Variants in INPP4A observed in about 807,000 individuals in gnomAD.
INPP4A encodes inositol polyphosphate-4-phosphatase, type I, 107kD.
In INPP4A, 33 loss-of-function variants were observed where a neutral mutation model predicts 119.8. The ratio of observed to expected loss-of-function variants is 0.28; its 90% confidence interval spans 0.21 to 0.37. The LOEUF (loss-of-function observed/expected upper bound fraction) is 0.37. Among genes scored for constraint, INPP4A ranks in the 10% least tolerant of loss-of-function variants. The pLI, the probability that INPP4A is intolerant of heterozygous loss-of-function variation, is 1.00. For synonymous variants in INPP4A, 496 were observed against 500.7 expected, an observed-to-expected ratio of 0.99 and a Z score of 0.12; for missense variants, 956 against 1,289.9, an observed-to-expected ratio of 0.74 and a Z score of 3.97.
At chr2:98,483,701 C>T (rs886522369) in intron 1 of INPP4A, among the ~76,000 whole-genome samples, 4 of 152,178 alleles carry the variant, frequency 2.6e-5, no homozygotes, top group African/African-American at 7.2e-5. Context: ...AACATAGCAG[C>T]GTGGACCAGC....
intron 1 of INPP4A, among the ~76,000 whole-genome samples, chr2:98,483,951 G>A (rs773975008): frequency 5.5e-4 from 83 of 152,256 alleles, no homozygotes; most frequent in South Asian, 1.2e-3. Context: ...CCTTGCAGAT[G>A]CCCCTGCCCA....
chr2:98,472,929 A>C (rs552783966), intron 1 of INPP4A, among the ~76,000 whole-genome samples: 1 of 152,284 alleles, frequency 6.6e-6, no homozygotes, highest in South Asian at 2.1e-4. Context: ...TGCCCTAGGC[A>C]GGAGAAAGGA....
At chr2:98,532,801 A>G (rs938481715) in intron 4 of INPP4A, among the ~76,000 whole-genome samples, 1 of 152,184 alleles carries the variant, frequency 6.6e-6, no homozygotes, top group Non-Finnish European at 1.5e-5. Context: ...AATCTGTGAG[A>G]CCATTGTCAT....
chr2:98,537,175 G>A (rs1690451117), intron 7 of INPP4A, among the ~76,000 whole-genome samples: 1 of 152,200 alleles, frequency 6.6e-6, no homozygotes, highest in South Asian at 2.1e-4. Context: ...CAAAGGAAAT[G>A]GTCAGTAGAT....
chr2:98,458,793 G>C (rs959747454), intron 1 of INPP4A, among the ~76,000 whole-genome samples: 2 of 152,146 alleles, frequency 1.3e-5, no homozygotes, highest in Admixed American at 1.3e-4. Context: ...TGGCCAGGGG[G>C]GATGTGGCTC....
chr2:98,497,434 T>G (rs1012833154), intron 1 of INPP4A, among the ~76,000 whole-genome samples: 131 of 152,260 alleles, frequency 8.6e-4, no homozygotes, highest in African/African-American at 3.1e-3. Flanking sequence ...CCCAGAATAG[T>G]AGCTCTACTG....
chr2:98,498,761 C>T (rs1207189737), intron 1 of INPP4A, among the ~76,000 whole-genome samples: 1 of 152,138 alleles, frequency 6.6e-6, no homozygotes, highest in Non-Finnish European at 1.5e-5. Context: ...AAAAGTAGAA[C>T]CCTAATCTCA....
chr2:98,553,562 C>G (rs971077501), intron 14 of INPP4A, among the ~76,000 whole-genome samples: 1 of 150,856 alleles, frequency 6.6e-6, no homozygotes, highest in African/African-American at 2.5e-5. Context: ...CTCATACACA[C>G]ACACACGCTC....
intron 1 of INPP4A, among the ~76,000 whole-genome samples, chr2:98,461,758 G>A (rs963373416): frequency 4.6e-5 from 7 of 152,168 alleles, no homozygotes; most frequent in Non-Finnish European, 1.0e-4. Context: ...CATCCCTGGT[G>A]CCATGCTGCG....
chr2:98,561,127 G>A (rs1243750204), intron 17 of INPP4A, among the ~76,000 whole-genome samples: 1 of 152,198 alleles, frequency 6.6e-6, no homozygotes, highest in African/African-American at 2.4e-5. Context: ...AGGGGAAAAT[G>A]CAGAAGCAAA....
At chr2:98,450,093 C>CT (rs1193013200) in intron 1 of INPP4A, among the ~76,000 whole-genome samples, 2 of 151,712 alleles carry the variant, frequency 1.3e-5, no homozygotes, top group Non-Finnish European at 2.9e-5. Flanking sequence ...AAGTGTGATG[C>CT]TTTTTTAATT....
At chr2:98,446,157 G>C (rs1462767885) in intron 1 of INPP4A, among the ~76,000 whole-genome samples, 1 of 152,250 alleles carries the variant, frequency 6.6e-6, no homozygotes, top group Non-Finnish European at 1.5e-5. Flanking sequence ...AAAGGTGAGA[G>C]CAGAGCCTTT....
At chr2:98,549,466 G>A (rs1044761932) in intron 13 of INPP4A, among the ~76,000 whole-genome samples, 1 of 152,200 alleles carries the variant, frequency 6.6e-6, no homozygotes, top group Non-Finnish European at 1.5e-5. Context: ...ACCCCTGGGG[G>A]TGGGTACAAA....
chr2:98,544,059 A>G, intron 11 of INPP4A, 52 bp downstream of exon 11: 1 of 1,486,160 alleles, frequency 6.7e-7, no homozygotes, highest in Non-Finnish European at 9.1e-7. Flanking sequence ...ACACACACAC[A>G]CACACTCTCA....
chr2:98,543,747 C>A, intron 10 of INPP4A, 130 bp from the exon 11 acceptor site: 1 of 1,158,186 alleles, frequency 8.6e-7, no homozygotes, highest in Non-Finnish European at 1.2e-6. Flanking sequence ...GCAGTGTAAC[C>A]ATTGTCCTGG....
chr2:98,477,739 C>T (rs1405814189), intron 1 of INPP4A, among the ~76,000 whole-genome samples: 1 of 152,240 alleles, frequency 6.6e-6, no homozygotes, highest in Non-Finnish European at 1.5e-5. Flanking sequence ...CCCTCTACCT[C>T]ACCCTGCCTT....
chr2:98,519,397 C>A (rs1686749834), intron 2 of INPP4A: 1 of 152,414 alleles, frequency 6.6e-6, no homozygotes, highest in Non-Finnish European at 1.5e-5. Flanking sequence ...CGCTTAGGCC[C>A]AGATTACATG....
chr2:98,480,172 C>CT (rs1286697836), intron 1 of INPP4A, among the ~76,000 whole-genome samples: 4 of 152,186 alleles, frequency 2.6e-5, no homozygotes, highest in Non-Finnish European at 5.9e-5. Context: ...GAAACTAAAG[C>CT]TTTTTTTCTG....
At chr2:98,537,820 C>G in intron 7 of INPP4A, 43 bp from the exon 8 acceptor site, 1 of 1,422,460 alleles carries the variant, frequency 7.0e-7, no homozygotes, top group Non-Finnish European at 9.8e-7. Flanking sequence ...AGAAAAGAAG[C>G]ACAGTTGCAG....
Sources: gnomAD v4.1 joint callset for allele counts (sites outside exome capture counted in the v4.1 genomes callset) on GRCh38, gnomAD v4.1.1 for gene constraint, MANE v1.5 for transcripts, NCBI Gene and HGNC (gene_info 2026-07-23, HGNC 2026-07-21) for gene names.